MCMBP: variants seen among roughly 807,000 people sequenced by gnomAD.
The protein encoded by MCMBP is minichromosome maintenance complex binding protein.
Under a neutral mutation model 81.3 loss-of-function variants are expected in MCMBP, and 31 were observed. That is an observed-to-expected ratio of 0.38 (90% confidence interval 0.29 to 0.51). The LOEUF is 0.51. Ranked by LOEUF, MCMBP falls within the 20% of genes least tolerant of loss-of-function variation. The pLI is 0.87. For missense variants in MCMBP, 645 were observed against 772.1 expected (o/e 0.84, Z 1.95); for synonymous variants, 267 against 275.9 (o/e 0.97, Z 0.32).
chr10:119,845,597 C>T (rs377733426), intron 8 of MCMBP, among the ~76,000 whole-genome samples: 59 of 152,140 alleles, frequency 3.9e-4, no homozygotes, highest in East Asian at 3.3e-3. Context: ...TGGGGATAGC[C>T]GAGAATGACA....
intron 8 of MCMBP, among the ~76,000 whole-genome samples, chr10:119,846,228 C>T (rs890255582): frequency 6.6e-6 from 1 of 152,102 alleles, no homozygotes; most frequent in Non-Finnish European, 1.5e-5. Flanking sequence ...CTTAAAGTGG[C>T]TCCCACTAGC....
chr10:119,853,729 T>C (rs1230259042), intron 5 of MCMBP, among the ~76,000 whole-genome samples: 1 of 152,218 alleles, frequency 6.6e-6, no homozygotes, highest in Non-Finnish European at 1.5e-5. Context: ...CAAGACTCCC[T>C]GAGGACTAGC....
chr10:119,863,334 T>C (rs538014230), intron 1 of MCMBP, among the ~76,000 whole-genome samples: 3 of 152,290 alleles, frequency 2.0e-5, no homozygotes, highest in East Asian at 3.9e-4. Context: ...AAATATGAGG[T>C]AAAGGTTGAG....
chr10:119,853,978 C>T (rs1852927876), intron 5 of MCMBP, among the ~76,000 whole-genome samples: 1 of 152,016 alleles, frequency 6.6e-6, no homozygotes, highest in Admixed American at 6.6e-5. Context: ...GGTGGGAGGA[C>T]CACTCAGCCC....
chr10:119,850,978 T>C (rs896120686), intron 6 of MCMBP, among the ~76,000 whole-genome samples: 10 of 147,666 alleles, frequency 6.8e-5, no homozygotes, highest in Non-Finnish European at 1.2e-4. Context: ...GTTCAAGCAA[T>C]TCTCCTGCCT....
chr10:119,854,709 C>A (rs1040008295), intron 5 of MCMBP, among the ~76,000 whole-genome samples: 15 of 151,586 alleles, frequency 9.9e-5, no homozygotes, highest in African/African-American at 3.6e-4. Context: ...GTAATCCCAG[C>A]ACTTTGGGAG....
rs1851996951 is a variant in MCMBP, at chr10:119,830,734, C to A, written c.*740G>T. 6.7e-6 allele frequency: 1 copy of A among 149,762 alleles called. No individual in the cohort carries two copies. Among genetic ancestry groups the A allele is most frequent in the Non-Finnish European group, 1.5e-5 (1 of 66,974 alleles). 9.3% of individuals were successfully genotyped at this position (149,762 alleles called of 1,614,324 possible). A position where few individuals can be genotyped will look rare whatever the true frequency, so the allele number is the denominator to read the frequency against. ...CTCCTCTTATTCAGAGATAGATTGT[C>A]CTTTCCTTTTATGAAAAAAATGGTG... On this transcript the variant is annotated 3_prime_UTR_variant, in exon 16 of 16. Coordinates refer to ENST00000369077, the MANE Select transcript of MCMBP (RefSeq NM_001256378.2).
chr10:119,838,480 T>C (rs1213029180), intron 12 of MCMBP, 55 bp downstream of exon 12: 16 of 1,537,232 alleles, frequency 1.0e-5, no homozygotes, highest in Middle Eastern at 1.7e-4. Context: ...TATTCCTAGA[T>C]CTGGCTTTAG....
intron 14 of MCMBP, 58 bp downstream of exon 14, chr10:119,835,480 TAA>T: frequency 7.1e-7 from 1 of 1,414,346 alleles, no homozygotes; most frequent in Admixed American, 2.1e-5. Flanking sequence ...ATGGTAAATG[TAA>T]ATTGGTTGCA....
chr10:119,851,809 T>C (rs1852834069), intron 6 of MCMBP, among the ~76,000 whole-genome samples: 1 of 152,246 alleles, frequency 6.6e-6, no homozygotes, highest in East Asian at 1.9e-4. Context: ...AGTAGAGTAA[T>C]ATAAGGGTAA....
chr10:119,849,749 C>T (rs564393310), intron 6 of MCMBP, among the ~76,000 whole-genome samples, 173 bp from the exon 7 acceptor site: 1 of 152,328 alleles, frequency 6.6e-6, no homozygotes, highest in South Asian at 2.1e-4. Flanking sequence ...TTTGTTTGAT[C>T]TGTAAGAGGA....
At chr10:119,867,098 T>A (rs541492147) in intron 1 of MCMBP, among the ~76,000 whole-genome samples, 1 of 150,740 alleles carries the variant, frequency 6.6e-6, no homozygotes, top group Non-Finnish European at 1.5e-5. Context: ...GTCGAGACCA[T>A]CCTGGCCAAC....
At chr10:119,866,287 G>C (rs986341525) in intron 1 of MCMBP, among the ~76,000 whole-genome samples, 5 of 152,160 alleles carry the variant, frequency 3.3e-5, no homozygotes, top group Admixed American at 6.6e-5. Context: ...CAGAAGAAAT[G>C]GGAGAGACTA....
At chr10:119,843,181 C>G (rs772172514) in intron 9 of MCMBP, 73 bp downstream of exon 9, 5 of 1,531,848 alleles carry the variant, frequency 3.3e-6, no homozygotes, top group Non-Finnish European at 4.5e-6. Flanking sequence ...CCACTATGAG[C>G]ACGTTACAGG....
intron 5 of MCMBP, among the ~76,000 whole-genome samples, chr10:119,853,794 A>C (rs1852921305): frequency 6.6e-6 from 1 of 152,232 alleles, no homozygotes. Flanking sequence ...AAGTAGTATA[A>C]TACTATAATG....
At chr10:119,852,411 C>T (rs987153152) in intron 6 of MCMBP, among the ~76,000 whole-genome samples, 3 of 152,180 alleles carry the variant, frequency 2.0e-5, no homozygotes, top group Non-Finnish European at 2.9e-5. Flanking sequence ...TGGTGGCTCG[C>T]GCCTGTTATG....
At position 119,859,108 on chromosome 10, in the gene MCMBP, T is replaced by C; in HGVS notation, c.218A>G (p.Gln73Arg). ...GTAAAACTCAGGGTCAAACATATCC[T>C]GAATCATGCAACGAAATTTCACAAA... ...NSFVKFRCMI[Q>R]DMFDPEFYMG... Residue 73 changes from glutamine to arginine, a missense_variant, in exon 3 of 16, where the codon CAG (glutamine) becomes CGG (arginine). Physicochemically the swap from Gln to Arg is conservative, Grantham distance 43. Coordinates refer to ENST00000369077, the MANE Select transcript of MCMBP (RefSeq NM_001256378.2). 6.2e-7 allele frequency: 1 copy of C among 1,614,022 alleles called. No homozygotes were observed. Among genetic ancestry groups the C allele is most frequent in the Non-Finnish European group, 8.5e-7 (1 of 1,179,916 alleles).
rs80341317 is a variant in MCMBP, at chr10:119,848,654, A to C, written c.726+771T>G. Among the ~76,000 whole-genome samples the C allele has an allele frequency of 8.4e-3, 1,278 of 152,190 alleles. 18 individuals carry two copies. Among genetic ancestry groups the C allele is most frequent in the Non-Finnish European group, 0.015 (990 of 67,998 alleles). ...ACCCCCCAAAAACAAAAAAACCCAA[A>C]ATGCACAAAGAATAAGGATAGAAAT... On this transcript the variant is annotated intron_variant, in intron 7 of 15. Coordinates refer to ENST00000369077, the MANE Select transcript of MCMBP (RefSeq NM_001256378.2).
chr10:119,868,699 T>C (rs113050425), intron 1 of MCMBP, among the ~76,000 whole-genome samples: 1 of 152,116 alleles, frequency 6.6e-6, no homozygotes, highest in African/African-American at 2.4e-5. Flanking sequence ...CAAAGACATA[T>C]ATAATAGGAT....
Sources: gnomAD v4.1 joint callset for allele counts (sites outside exome capture counted in the v4.1 genomes callset) on GRCh38, gnomAD v4.1.1 for gene constraint, MANE v1.5 for transcripts, NCBI Gene and HGNC (gene_info 2026-07-23, HGNC 2026-07-21) for gene names.